SPNS1: variants seen among roughly 807,000 people sequenced by gnomAD.
The protein encoded by SPNS1 is protein spinster homolog 1.
A neutral mutation model predicts 50.3 loss-of-function variants in SPNS1; 22 were observed. The ratio of observed to expected loss-of-function variants is 0.44; its 90% CI spans 0.31 to 0.62. The LOEUF (loss-of-function observed/expected upper bound fraction) is 0.62. SPNS1 is among the 20% of genes least tolerant of loss of function. SPNS1 has a pLI of 0.07. For missense variants in SPNS1, 576 were observed against 728.6 expected (o/e 0.79, Z 2.41); for synonymous variants, 295 against 317.4 (o/e 0.93, Z 0.75).
chr16:28,977,055 C>T (rs1283228517), intron 2 of SPNS1, among the ~76,000 whole-genome samples: 4 of 152,180 alleles, frequency 2.6e-5, no homozygotes, highest in Non-Finnish European at 5.9e-5. Context: ...CGCTGTGGCT[C>T]ACACCTGTAA....
Position 28,982,143 on chromosome 16 carries a change from TG to T in SPNS1, c.965+88del, listed in dbSNP as rs1965575740. 1.4e-5 allele frequency: 21 copies of T among 1,502,612 alleles called. No individual in the cohort carries two copies. The South Asian group carries it at 2.4e-4, about 17-fold the overall frequency. 93.1% of individuals were successfully genotyped at this position (1,502,612 alleles called of 1,614,324 possible). On this transcript the variant is annotated intron_variant, in intron 7 of 11. Coordinates refer to ENST00000311008, the MANE Select transcript of SPNS1 (RefSeq NM_032038.3). ...GTGGCTCAGACCCAGGCAGGGAGTTTGACTCCTGACTTCACAAGCTGCCTGC... is the reference window on the plus strand; with the variant it reads ...GTGGCTCAGACCCAGGCAGGGAGTTTACTCCTGACTTCACAAGCTGCCTGC...
Position 28,982,509 on chromosome 16 carries a change from C to T in SPNS1, c.1119C>T (p.Ser373=), listed in dbSNP as rs1277009693. The T allele has an allele frequency of 6.2e-7, 1 of 1,612,494 alleles. No individual in the cohort carries two copies. The highest frequency in any genetic ancestry group is 8.5e-7 in the Non-Finnish European group (1 of 1,179,220). The change falls in exon 8 of 12, where the codon TCC becomes TCT. Residue 373 remains serine (S), a synonymous_variant. Transcript: ENST00000311008. The part of the protein sequence containing the change: ...LLGSAPFLFL[S]LACARGSIVA... ...GCTCTGCACCCTTCCTCTTCCTGTC[C>T]CTTGCCTGCGCCCGTGGTAGCATCG...
At chr16:28,978,270 T>C (rs1487279785) in intron 3 of SPNS1, among the ~76,000 whole-genome samples, 1 of 151,814 alleles carries the variant, frequency 6.6e-6, no homozygotes, top group Non-Finnish European at 1.5e-5. Flanking sequence ...GACCACTGAC[T>C]CCTTCTACTC....
intron 2 of SPNS1, among the ~76,000 whole-genome samples, chr16:28,977,256 A>C (rs1965373746): frequency 1.3e-5 from 2 of 150,720 alleles, no homozygotes; most frequent in Admixed American, 6.6e-5. Flanking sequence ...CGGAGGTTGC[A>C]GTGAGCTGAG....
In SPNS1 at chr16:28,981,523, G is replaced by A; in HGVS notation, c.717G>A (p.Arg239=). 1 of 1,614,092 alleles carries A rather than the reference G, an allele frequency of 6.2e-7. No homozygotes were observed. The highest frequency in any genetic ancestry group is 8.5e-7 in the Non-Finnish European group (1 of 1,180,022). ...TTCTGCTGCTGTTCCTGGTAGTGCG[G>A]GAGCCGCCAAGGGGAGCCGTGGAGC... ...VAVLLLFLVV[R]EPPRGAVERH... is the part of the protein sequence containing the mutation. The change falls in exon 6 of 12, where the codon CGG becomes CGA. Residue 239 remains arginine, a synonymous_variant. Transcript: ENST00000311008. The surrounding 1 kb of genome is among the most constrained non-coding windows in gnomAD (Gnocchi z 4.2).
rs200587599 is a variant in SPNS1, at chr16:28,979,283, C to T, written c.573C>T (p.Phe191=). Residue 191 remains phenylalanine, a synonymous_variant, in exon 4 of 12, where the codon TTC becomes TTT. Transcript: ENST00000311008. ...AGCGGAGCCGGATGCTCAGCATCTT[C>T]TACTTTGCCATTCCGGTGGGCAGGT... The part of the protein sequence containing the change: ...ADQRSRMLSI[F]YFAIPVGSGL... 6.2e-7 allele frequency: 1 copy of T among 1,614,204 alleles called. No individual in the cohort carries two copies. The highest frequency in any genetic ancestry group is 2.2e-5 in the East Asian group (1 of 44,882).
Position 28,982,848 on chromosome 16 carries a change from T to C in SPNS1, c.1156-9T>C. ...ACTGTCATGAACCCCCGACCCTCTC[T>C]TCCCCCAGATTTTCATCTTCATTGG... is the stretch of plus-strand genomic sequence containing the variant. On this transcript the variant is annotated splice_polypyrimidine_tract_variant and intron_variant, in intron 8 of 11. Coordinates refer to ENST00000311008, the MANE Select transcript of SPNS1 (RefSeq NM_032038.3). 12 of 1,613,826 alleles carry C rather than the reference T, an allele frequency of 7.4e-6. No individual in the cohort carries two copies. The highest frequency in any genetic ancestry group is 3.3e-5 in the South Asian group (3 of 91,080).
At position 28,984,268 on chromosome 16, in the gene SPNS1, C is replaced by A. The variant is rs758691872; in HGVS notation, c.1556C>A (p.Thr519Asn). ...GTGGTGCCCCAGCGGGGCCGCTCCA[C>A]CCGCGTGCCCGTGGCCAGTGTGCTC... is the stretch of plus-strand genomic sequence containing the variant. ...RIVVPQRGRS[T>N]RVPVASVLI is the part of the protein sequence containing the mutation. The change falls in exon 12 of 12, where the codon ACC becomes AAC. Residue 519 changes from threonine (T) to asparagine (N), a missense_variant. Physicochemically the swap from Thr to Asn is moderately conservative, Grantham distance 65. Coordinates refer to ENST00000311008, the MANE Select transcript of SPNS1 (RefSeq NM_032038.3). 1.2e-6 allele frequency: 2 copies of A among 1,612,412 alleles called. No homozygotes were observed. The highest frequency in any genetic ancestry group is 3.3e-5 in the Admixed American group (2 of 59,950).
chr16:28,979,196 C>T lies in SPNS1; in HGVS notation c.486C>T (p.Val162=), dbSNP rs757663639. Residue 162 remains valine (V), a synonymous_variant, in exon 4 of 12, where the codon GTC becomes GTT. Coordinates refer to ENST00000311008, the MANE Select transcript of SPNS1 (RefSeq NM_032038.3). ...LLLLTRGLVG[V]GEASYSTIAP... is the part of the protein sequence containing the mutation. ...TCCTGACCCGGGGCCTGGTGGGGGTCGGGGAGGCCAGTTATTCCACCATCG... is the reference window on the plus strand; with the variant it reads ...TCCTGACCCGGGGCCTGGTGGGGGTTGGGGAGGCCAGTTATTCCACCATCG... The T allele has an allele frequency of 4.2e-5, 67 of 1,613,978 alleles. No homozygotes were observed. Among genetic ancestry groups the T allele is most frequent in the Non-Finnish European group, 5.3e-5 (62 of 1,180,034 alleles).
rs1567526249 is a variant in SPNS1, at chr16:28,982,417, A to C, written c.1027A>C (p.Ile343Leu). 1.2e-6 allele frequency: 2 copies of C among 1,612,532 alleles called. No individual in the cohort carries two copies. The highest frequency in any genetic ancestry group is 1.3e-5 in the African/African-American group (1 of 74,962). The change falls in exon 8 of 12, where the codon ATC (isoleucine) becomes CTC (leucine). Residue 343 changes from isoleucine to leucine, a missense_variant. Physicochemically the swap from Ile to Leu is conservative, Grantham distance 5 (BLOSUM62 2). Transcript: ENST00000311008. ...CCTGGGTGTGGGCCTGGGTGTGGAGATCAGCCGCCGGCTCCGCCACTCCAA... is the reference window on the plus strand; with the variant it reads ...CCTGGGTGTGGGCCTGGGTGTGGAGCTCAGCCGCCGGCTCCGCCACTCCAA... ...GVLGVGLGVE[I>L]SRRLRHSNPR...
In SPNS1 at chr16:28,981,500, C is replaced by G; in HGVS notation, c.694C>G (p.Leu232Val). ...VTPGLGVVAVLLLFLVVREPP... is the reference protein window; with the variant it reads ...VTPGLGVVAVVLLFLVVREPP... ...ACCGGGTCTAGGAGTGGTGGCCGTT[C>G]TGCTGCTGTTCCTGGTAGTGCGGGA... The change falls in exon 6 of 12, where the codon CTG becomes GTG. Residue 232 changes from leucine to valine, a missense_variant. Transcript: ENST00000311008. The surrounding 1 kb of genome is among the most constrained non-coding windows in gnomAD (Gnocchi z 4.2). The G allele has an allele frequency of 1.2e-6, 2 of 1,614,128 alleles. No homozygotes were observed. The highest frequency in any genetic ancestry group is 1.7e-6 in the Non-Finnish European group (2 of 1,180,018).
chr16:28,978,763 G>T, intron 3 of SPNS1: 1 of 195,056 alleles, frequency 5.1e-6, no homozygotes, highest in Non-Finnish European at 1.1e-5. Context: ...GACTGTACCC[G>T]TCCTTAGCTT....
rs1199299657 is a variant in SPNS1, at chr16:28,982,829, A to T, written c.1156-28A>T. The stretch of plus-strand genomic sequence containing the variant: ...TTTCCATGTGTTAGCCCTTACTGTC[A>T]TGAACCCCCGACCCTCTCTTCCCCC... On this transcript the variant is annotated intron_variant, in intron 8 of 11. Coordinates refer to ENST00000311008, the MANE Select transcript of SPNS1 (RefSeq NM_032038.3). 3.1e-6 allele frequency: 5 copies of T among 1,613,064 alleles called. No individual in the cohort carries two copies. The Admixed American group carries it at 6.7e-5, about 22-fold the overall frequency.
Position 28,982,044 on chromosome 16 carries a change from C to T in SPNS1, c.953C>T (p.Ser318Phe). Reference protein sequence around the residue: ...TPPCLPGDSCSSSDSLIFGLI... With the variant: ...TPPCLPGDSCFSSDSLIFGLI... ...CCCTGCCTTCCCGGAGACTCCTGCT[C>T]TTCCTCTGACAGGTGCCCAGATGGG... The change falls in exon 7 of 12, where the codon TCT (serine) becomes TTT (phenylalanine). Residue 318 changes from serine to phenylalanine, a missense_variant. By Grantham distance (155) the Ser-to-Phe change is radical (BLOSUM62 -2). Coordinates refer to ENST00000311008, the MANE Select transcript of SPNS1 (RefSeq NM_032038.3). 2 of 1,614,008 alleles carry T rather than the reference C, an allele frequency of 1.2e-6. No individual in the cohort carries two copies. The highest frequency in any genetic ancestry group is 1.7e-6 in the Non-Finnish European group (2 of 1,179,934).
intron 2 of SPNS1, among the ~76,000 whole-genome samples, chr16:28,975,827 C>A (rs1202024756): frequency 6.6e-6 from 1 of 152,218 alleles, no homozygotes; most frequent in Non-Finnish European, 1.5e-5. Flanking sequence ...GTAGGCAAGG[C>A]ACTCAACCTC....
chr16:28,979,332 A>G (rs745363247), intron 4 of SPNS1, 26 bp downstream of exon 4: 3 of 1,613,854 alleles, frequency 1.9e-6, no homozygotes, highest in Non-Finnish European at 2.5e-6. Context: ...GCCTGGGGGA[A>G]GGCAGAAGGG....
chr16:28,983,045 G>A lies in SPNS1; in HGVS notation c.1221+123G>A, dbSNP rs1412498484. On this transcript the variant is annotated intron_variant, in intron 9 of 11. Coordinates refer to ENST00000311008, the MANE Select transcript of SPNS1 (RefSeq NM_032038.3). This position sits in a 1 kb window ranked among gnomAD's most constrained non-coding sequence, Gnocchi z 5.4. Reference sequence around the variant, plus strand: ...CTACCTTCTGCAATAAATAACATCTGTAGCAGACCCCCGGCCTGCCCTGCG... The same window carrying A: ...CTACCTTCTGCAATAAATAACATCTATAGCAGACCCCCGGCCTGCCCTGCG... 7.8e-7 allele frequency: 1 copy of A among 1,275,994 alleles called. No individual in the cohort carries two copies. Among genetic ancestry groups the A allele is most frequent in the Non-Finnish European group, 1.1e-6 (1 of 889,678 alleles). 79.0% of individuals were successfully genotyped at this position (1,275,994 alleles called of 1,614,324 possible). A position where few individuals can be genotyped will look rare whatever the true frequency, so the allele number is the denominator to read the frequency against.
At position 28,983,716 on chromosome 16, in the gene SPNS1, C is replaced by T. The variant is rs1192456503; in HGVS notation, c.1321-70C>T. ...TCCACTTGTCTTTCTCCCTGGAGCT[C>T]AGGGGCGTGCCCTCCCTGGTTCATC... On this transcript the variant is annotated intron_variant, in intron 10 of 11. Transcript: ENST00000311008. This position sits in a 1 kb window ranked among gnomAD's most constrained non-coding sequence, Gnocchi z 5.4. The T allele has an allele frequency of 1.0e-5, 15 of 1,489,210 alleles. No individual in the cohort carries two copies. The highest frequency in any genetic ancestry group is 1.3e-5 in the Non-Finnish European group (15 of 1,118,740). The allele number at this position is 1,489,210 out of a possible 1,614,324, so 92.2% of individuals were successfully genotyped here. A position where few individuals can be genotyped will look rare whatever the true frequency, so the allele number is the denominator to read the frequency against.
rs1965636933 is a variant in SPNS1, at chr16:28,983,591, T to A, written c.1321-195T>A. On this transcript the variant is annotated intron_variant, in intron 10 of 11. Coordinates refer to ENST00000311008, the MANE Select transcript of SPNS1 (RefSeq NM_032038.3). The surrounding 1 kb of genome is among the most constrained non-coding windows in gnomAD (Gnocchi z 5.4). ...ATCATGGCTCACTGCAGCCTCGACCTCCTGGGCTCAAGCGATCCTCCCACC... is the reference window on the plus strand; with the variant it reads ...ATCATGGCTCACTGCAGCCTCGACCACCTGGGCTCAAGCGATCCTCCCACC... 6.6e-6 allele frequency among the ~76,000 whole-genome samples: 1 copy of A among 152,142 alleles called. No homozygotes were observed. Among genetic ancestry groups the A allele is most frequent in the Admixed American group, 6.5e-5 (1 of 15,274 alleles).
Sources: gnomAD v4.1 joint callset for allele counts (sites outside exome capture counted in the v4.1 genomes callset) on GRCh38, gnomAD v4.1.1 for gene constraint, Gnocchi (gnomAD v3.1) non-coding constraint, MANE v1.5 for transcripts, NCBI Gene and HGNC (gene_info 2026-07-23, HGNC 2026-07-21) for gene names.